The following DCHS2 variants were observed in gnomAD, a reference collection of about 807,000 sequenced individuals.
The protein encoded by DCHS2 is protocadherin-23.
A neutral mutation model predicts 182.4 loss-of-function variants in DCHS2; 142 were observed. That is an observed-to-expected ratio of 0.78 (90% confidence interval 0.68 to 0.89). The LOEUF (loss-of-function observed/expected upper bound fraction) is 0.89. DCHS2 is among the 40% of genes least tolerant of loss of function. DCHS2 has a pLI of 0.00. For synonymous variants in DCHS2, 1,740 were observed against 1,663.3 expected (o/e 1.05, Z -1.12); for missense variants, 4,319 against 4,198.6 (o/e 1.03, Z -0.79).
chr4:154,303,711 G>A (rs1021021391), intron 12 of DCHS2, among the ~76,000 whole-genome samples: 1 of 152,198 alleles, frequency 6.6e-6, no homozygotes, highest in African/African-American at 2.4e-5. Flanking sequence ...ATTGAAGAAA[G>A]AAGGGTGGGG....
Position 154,491,301 on chromosome 4 carries a change from C to A in DCHS2, c.55G>T (p.Val19Phe), listed in dbSNP as rs1404808512. 1 of 1,547,908 alleles carries A rather than the reference C, an allele frequency of 6.5e-7. No individual in the cohort carries two copies. Among genetic ancestry groups the A allele is most frequent in the African/African-American group, 1.4e-5 (1 of 73,124 alleles). Residue 19 changes from valine (V) to phenylalanine (F), a missense_variant, in exon 1 of 20, where the codon GTC becomes TTC. Coordinates refer to ENST00000357232, the MANE Select transcript of DCHS2 (RefSeq NM_001358235.2). ...GEGRQQRRAP[V>F]GKLLLLPGRR... ...CCGGGGAGCAGAAGGAGCTTCCCGA[C>A]CGGAGCCCGCCGCTGCTGACGCCCT...
chr4:154,258,631 C>T (rs1453094168), intron 15 of DCHS2, among the ~76,000 whole-genome samples: 1 of 152,080 alleles, frequency 6.6e-6, no homozygotes, highest in Non-Finnish European at 1.5e-5. Context: ...CCTGCCTTGG[C>T]CTCCCAAAGT....
intron 12 of DCHS2, among the ~76,000 whole-genome samples, chr4:154,300,712 A>T (rs1355576731): frequency 3.3e-5 from 5 of 150,944 alleles, no homozygotes; most frequent in African/African-American, 4.9e-5. Flanking sequence ...GCCTGTCTTT[A>T]AAAAAAAAGA....
chr4:154,337,198 A>G (rs1274642976), intron 3 of DCHS2, among the ~76,000 whole-genome samples: 1 of 152,318 alleles, frequency 6.6e-6, no homozygotes, highest in African/African-American at 2.4e-5. Flanking sequence ...ATAAAACTTG[A>G]ATATACACAA....
chr4:154,255,522 T>C lies in DCHS2; in HGVS notation c.6938A>G (p.Tyr2313Cys), dbSNP rs1292416871. Residue 2313 changes from tyrosine to cysteine, a missense_variant, in exon 16 of 20, where the codon TAC becomes TGC. Physicochemically the swap from Tyr to Cys is radical, Grantham distance 194. Transcript: ENST00000357232. ...AILDYELTSS[Y>C]SLIVQATDKG... is the part of the protein sequence containing the mutation. The stretch of plus-strand genomic sequence containing the variant: ...TGGATCTGAACCCTGGACCAACCTG[T>C]AGGAGCTGGTGAGCTCGTAATCTAG... 1 of 1,613,196 alleles carries C rather than the reference T, an allele frequency of 6.2e-7. No homozygotes were observed. Among genetic ancestry groups the C allele is most frequent in the Non-Finnish European group, 8.5e-7 (1 of 1,179,594 alleles).
chr4:154,453,027 C>T (rs1302364283), intron 1 of DCHS2, among the ~76,000 whole-genome samples: 1 of 152,120 alleles, frequency 6.6e-6, no homozygotes, highest in African/African-American at 2.4e-5. Flanking sequence ...TATTGCCTTG[C>T]TAAGCTCACA....
Position 154,377,345 on chromosome 4 carries a change from C to G in DCHS2, c.2152G>C (p.Asp718His), listed in dbSNP as rs199834342. 6.2e-7 allele frequency: 1 copy of G among 1,613,648 alleles called. No individual in the cohort carries two copies. The highest frequency in any genetic ancestry group is 8.5e-7 in the Non-Finnish European group (1 of 1,179,726). Residue 718 changes from aspartate to histidine, a missense_variant, in exon 2 of 20, where the codon GAC (aspartate) becomes CAC (histidine). Coordinates refer to ENST00000357232, the MANE Select transcript of DCHS2 (RefSeq NM_001358235.2). ...SYEAPQAFRIDPHDGQICVSQ... is the reference protein window; with the variant it reads ...SYEAPQAFRIHPHDGQICVSQ... ...ACACAGATTTGCCCATCATGAGGGT[C>G]GATCCGGAATGCCTGAGGTGCTTCA... is the stretch of plus-strand genomic sequence containing the variant.
At chr4:154,264,038 A>C (rs1225879594) in intron 14 of DCHS2, among the ~76,000 whole-genome samples, 1 of 152,160 alleles carries the variant, frequency 6.6e-6, no homozygotes, top group African/African-American at 2.4e-5. Context: ...TATGGTAGCT[A>C]TACTATCATA....
chr4:154,373,744 C>T (rs1324216292), intron 2 of DCHS2: 1 of 535,774 alleles, frequency 1.9e-6, no homozygotes, highest in Non-Finnish European at 3.3e-6. Context: ...CTGTCTGGAT[C>T]TCCATTCAGC....
intron 1 of DCHS2, among the ~76,000 whole-genome samples, chr4:154,417,228 A>T (rs1436941877): frequency 1.1e-4 from 16 of 149,832 alleles, no homozygotes; most frequent in African/African-American, 3.4e-4. Flanking sequence ...AGAGAGAGAG[A>T]GAGAGAGAGA....
Position 154,333,473 on chromosome 4 carries a change from T to C in DCHS2, c.2735A>G (p.Tyr912Cys). Residue 912 changes from tyrosine (Y) to cysteine (C), a missense_variant, in exon 5 of 20, where the codon TAC (tyrosine) becomes TGC (cysteine). Transcript: ENST00000357232. Reference protein sequence around the residue: ...EPLNSSEPIFYRISSGDLGGK... With the variant: ...EPLNSSEPIFCRISSGDLGGK... ...GCCGAGATCACCAGAAGAAATCCTG[T>C]AAAAGATTGGTTCTGAGGAGTCTGA... The C allele has an allele frequency of 6.2e-7, 1 of 1,612,950 alleles. No individual in the cohort carries two copies. The highest frequency in any genetic ancestry group is 8.5e-7 in the Non-Finnish European group (1 of 1,179,388).
chr4:154,458,478 T>G (rs1734865804), intron 1 of DCHS2, among the ~76,000 whole-genome samples: 1 of 152,182 alleles, frequency 6.6e-6, no homozygotes, highest in Admixed American at 6.5e-5. Context: ...CACCTCACAG[T>G]GTTTCCCATT....
chr4:154,321,834 G>A (rs2111337798), intron 8 of DCHS2, among the ~76,000 whole-genome samples: 1 of 152,180 alleles, frequency 6.6e-6, no homozygotes, highest in Admixed American at 6.6e-5. Flanking sequence ...AGTGGTTGGT[G>A]TAATTTTTTT....
intron 1 of DCHS2, among the ~76,000 whole-genome samples, chr4:154,405,222 T>C (rs756198742): frequency 3.9e-5 from 6 of 152,012 alleles, no homozygotes; most frequent in African/African-American, 7.2e-5. Context: ...TTGCACTCCA[T>C]CCTGGGCAAC....
chr4:154,396,613 T>C (rs1055557318), intron 1 of DCHS2, among the ~76,000 whole-genome samples: 3 of 152,168 alleles, frequency 2.0e-5, no homozygotes, highest in Non-Finnish European at 4.4e-5. Flanking sequence ...TCTAACCTCC[T>C]TTATAGCCTA....
At chr4:154,266,331 T>TG (rs966965041) in intron 14 of DCHS2, among the ~76,000 whole-genome samples, 12 of 149,524 alleles carry the variant, frequency 8.0e-5, no homozygotes, top group African/African-American at 3.0e-4. Context: ...GGGTTTTTTT[T>TG]TTGTTGTTTG....
chr4:154,233,666 A>G lies in DCHS2; in HGVS notation c.*870T>C, dbSNP rs1731298170. On this transcript the variant is annotated 3_prime_UTR_variant, in exon 20 of 20. Coordinates refer to ENST00000357232, the MANE Select transcript of DCHS2 (RefSeq NM_001358235.2). ...TAAAATGAAGACATTGCTATAAATT[A>G]ACCTTTGAAGTTTAATGTCTTTACC... 6.6e-6 allele frequency: 1 copy of G among 152,310 alleles called. No individual in the cohort carries two copies. The highest frequency in any genetic ancestry group is 1.5e-5 in the Non-Finnish European group (1 of 68,022). 9.4% of individuals were successfully genotyped at this position (152,310 alleles called of 1,614,324 possible).
chr4:154,391,415 A>G, intron 1 of DCHS2: 2 of 1,390,510 alleles, frequency 1.4e-6, no homozygotes, highest in Non-Finnish European at 1.9e-6. Flanking sequence ...CTTGCAGCAT[A>G]AAGAAAGCGT....
At chr4:154,350,844 A>G (rs1449436802) in intron 3 of DCHS2, among the ~76,000 whole-genome samples, 3 of 152,132 alleles carry the variant, frequency 2.0e-5, no homozygotes, top group Non-Finnish European at 4.4e-5. Flanking sequence ...TTTGACCTTT[A>G]TTTTCACCAA....
Sources: allele counts gnomAD v4.1 joint callset (sites outside exome capture counted in the v4.1 genomes callset), GRCh38; gene constraint gnomAD v4.1.1; transcripts MANE v1.5; gene names NCBI Gene and HGNC (gene_info 2026-07-23, HGNC 2026-07-21).